Variants in FAM114A1 observed in about 807,000 individuals in gnomAD.
FAM114A1 encodes the protein protein NOXP20.
Under a neutral mutation model 64.3 loss-of-function variants are expected in FAM114A1, and 62 were observed. The ratio of observed to expected loss-of-function variants is 0.96; its 90% confidence interval spans 0.79 to 1.19. FAM114A1 has a LOEUF of 1.19. Among genes scored for constraint, FAM114A1 ranks in the 50% most tolerant of loss-of-function variants. The probability of loss-of-function intolerance (pLI) is 0.00; values close to 1 mark genes in which losing one functional copy is unlikely to be tolerated. For missense variants in FAM114A1, 645 were observed against 676.3 expected (o/e 0.95, Z 0.51); for synonymous variants, 254 against 251.1 (o/e 1.01, Z -0.11).
chr4:38,884,976 A>T lies in FAM114A1; in HGVS notation c.348+6550A>T, dbSNP rs183693532. Among the ~76,000 whole-genome samples the T allele has an allele frequency of 2.8e-4, 42 of 152,152 alleles. 1 individual carries two copies. The highest frequency in any genetic ancestry group is 1.2e-3 in the South Asian group (6 of 4,816). ...TGAATACTTTTAAAAATTTTTATTT[A>T]TATTTATTTATTTATTTGAGATAGG... On this transcript the variant is annotated intron_variant, in intron 3 of 14. Transcript: ENST00000358869.
intron 7 of FAM114A1, among the ~76,000 whole-genome samples, chr4:38,911,742 C>T (rs1718545530): frequency 6.6e-6 from 1 of 151,660 alleles, no homozygotes; most frequent in African/African-American, 2.4e-5. Flanking sequence ...ACTATGGAAA[C>T]TAGAAGCGTG....
intron 9 of FAM114A1, among the ~76,000 whole-genome samples, chr4:38,923,746 A>G (rs9995301): frequency 0.2 from 30,684 of 152,186 alleles, 3,276 homozygotes; most frequent in Middle Eastern, 0.3. Context: ...GGCATGCTAC[A>G]TCAGGTTGGC....
chr4:38,912,375 A>G (rs1718638039), intron 7 of FAM114A1, among the ~76,000 whole-genome samples: 2 of 151,112 alleles, frequency 1.3e-5, no homozygotes, highest in African/African-American at 4.9e-5. Context: ...TTCACTCCCC[A>G]GTTGTGTTTT....
intron 3 of FAM114A1, among the ~76,000 whole-genome samples, chr4:38,884,295 A>G (rs1397222150): frequency 1.3e-5 from 2 of 152,228 alleles, no homozygotes; most frequent in African/African-American, 2.4e-5. Flanking sequence ...GCCTGAGTTC[A>G]GTATTAAATA....
intron 9 of FAM114A1, among the ~76,000 whole-genome samples, chr4:38,923,110 C>T (rs978179333): frequency 3.3e-5 from 5 of 152,004 alleles, no homozygotes; most frequent in East Asian, 1.9e-4. Flanking sequence ...CTCTGGTGTT[C>T]GGCACAATCC....
chr4:38,931,841 G>A (rs1237964691), intron 11 of FAM114A1, among the ~76,000 whole-genome samples: 1 of 152,190 alleles, frequency 6.6e-6, no homozygotes, highest in Non-Finnish European at 1.5e-5. Flanking sequence ...TGTACTCTCA[G>A]CTACTTGGGA....
At chr4:38,876,172 T>TC (rs1314644699) in intron 2 of FAM114A1, among the ~76,000 whole-genome samples, 2 of 145,528 alleles carry the variant, frequency 1.4e-5, no homozygotes, top group African/African-American at 5.1e-5. Context: ...CTTTTTTCTT[T>TC]TTTTTTTTTT....
intron 6 of FAM114A1, 96 bp downstream of exon 6, chr4:38,905,957 G>A (rs1717962112): frequency 7.6e-6 from 8 of 1,059,548 alleles, no homozygotes; most frequent in Non-Finnish European, 9.3e-6. Context: ...TCAGAGAAAC[G>A]ATGGCCTTGC....
At chr4:38,931,806 T>A (rs745395637) in intron 11 of FAM114A1, among the ~76,000 whole-genome samples, 194 bp downstream of exon 11, 5 of 152,184 alleles carry the variant, frequency 3.3e-5, no homozygotes, top group Admixed American at 6.5e-5. Flanking sequence ...ATAATAATAA[T>A]TAGCAGGGCG....
chr4:38,890,692 A>G (rs185041991), intron 3 of FAM114A1, among the ~76,000 whole-genome samples: 41 of 152,260 alleles, frequency 2.7e-4, no homozygotes, highest in Non-Finnish European at 4.3e-4. Context: ...TTGAGTTAGG[A>G]CTCATTGGTT....
At position 38,945,370 on chromosome 4, in the gene FAM114A1, G is replaced by A. The variant is rs1259478258; in HGVS notation, c.*1813G>A. The A allele has an allele frequency of 6.6e-6, 1 of 152,190 alleles. No individual in the cohort carries two copies. Among genetic ancestry groups the A allele is most frequent in the East Asian group, 1.9e-4 (1 of 5,194 alleles). The allele number at this position is 152,190 out of a possible 1,614,324, so 9.4% of individuals were successfully genotyped here. On this transcript the variant is annotated 3_prime_UTR_variant, in exon 15 of 15. Transcript: ENST00000358869. ...AGTGGCTGCTTCTCCTGAGCTCCAC[G>A]CCTTCATTGCAGCTGCATGTTCGAT... is the stretch of plus-strand genomic sequence containing the variant.
intron 3 of FAM114A1, among the ~76,000 whole-genome samples, chr4:38,881,529 T>C (rs1715274130): frequency 6.6e-6 from 1 of 152,180 alleles, no homozygotes; most frequent in Non-Finnish European, 1.5e-5. Context: ...GGACAGTACC[T>C]GTGAGTTTGT....
chr4:38,937,692 G>A (rs1169526501), intron 13 of FAM114A1, among the ~76,000 whole-genome samples: 2 of 151,708 alleles, frequency 1.3e-5, no homozygotes, highest in Admixed American at 6.6e-5. Flanking sequence ...AGGCACTGGG[G>A]GAAATGAACC....
At chr4:38,904,298 A>G (rs140972187) in intron 4 of FAM114A1, among the ~76,000 whole-genome samples, 2,446 of 152,296 alleles carry the variant, frequency 0.016, 80 homozygotes, top group African/African-American at 0.054. Context: ...TTCCTTCAAC[A>G]GTTTGACAAC....
intron 2 of FAM114A1, among the ~76,000 whole-genome samples, chr4:38,874,010 G>A (rs1375860429): frequency 6.6e-6 from 1 of 152,198 alleles, no homozygotes; most frequent in Non-Finnish European, 1.5e-5. Context: ...ACCTTGCCAT[G>A]AGAATAGGAG....
At chr4:38,898,225 C>T (rs537604502) in intron 4 of FAM114A1, among the ~76,000 whole-genome samples, 1 of 152,286 alleles carries the variant, frequency 6.6e-6, no homozygotes, top group Non-Finnish European at 1.5e-5. Flanking sequence ...ACATCTTATG[C>T]AAGAGTACCT....
At chr4:38,914,799 A>C in intron 7 of FAM114A1, 122 bp from the exon 8 acceptor site, 1 of 1,093,070 alleles carries the variant, frequency 9.1e-7, no homozygotes, top group Non-Finnish European at 1.3e-6. Flanking sequence ...AGAAATTCTA[A>C]AGTGACCAGA....
chr4:38,922,086 CAT>C (rs1719651750), intron 8 of FAM114A1, among the ~76,000 whole-genome samples: 1 of 152,138 alleles, frequency 6.6e-6, no homozygotes, highest in African/African-American at 2.4e-5. Context: ...GGATTACAGG[CAT>C]GCACCACCAC....
Position 38,935,707 on chromosome 4 carries a change from T to C in FAM114A1, c.1464-11T>C. On this transcript the variant is annotated splice_polypyrimidine_tract_variant and intron_variant, in intron 12 of 14. Transcript: ENST00000358869. ...GAAAACATCCAAGCTTTTTTTTTTT[T>C]CTTCTTTCAGATTAACTACTGCAAT... 6.4e-7 allele frequency: 1 copy of C among 1,563,258 alleles called. No homozygotes were observed. Among genetic ancestry groups the C allele is most frequent in the Non-Finnish European group, 8.6e-7 (1 of 1,157,846 alleles).
Sources: gnomAD v4.1 joint callset for allele counts (sites outside exome capture counted in the v4.1 genomes callset) on GRCh38, gnomAD v4.1.1 for gene constraint, MANE v1.5 for transcripts, NCBI Gene and HGNC (gene_info 2026-07-23, HGNC 2026-07-21) for gene names.